Variants in ABHD18 observed in about 807,000 individuals in gnomAD.
ABHD18 encodes cardiolipin-specific deacylase, mitochondrial.
In ABHD18, 55 loss-of-function variants were observed where a neutral mutation model predicts 65.9. That is an observed-to-expected ratio of 0.84 (90% confidence interval 0.67 to 1.05). The LOEUF (loss-of-function observed/expected upper bound fraction) is 1.05. ABHD18 is among the 50% of genes least tolerant of loss of function. The probability of loss-of-function intolerance (pLI) is 0.00; values close to 1 mark genes in which losing one functional copy is unlikely to be tolerated. For synonymous variants in ABHD18, 181 were observed against 180.2 expected (o/e 1.00, Z -0.04); for missense variants, 533 against 558.5 (o/e 0.95, Z 0.46).
At chr4:128,017,866 T>G (rs1022836089) in intron 8 of ABHD18, among the ~76,000 whole-genome samples, 8 of 152,218 alleles carry the variant, frequency 5.3e-5, no homozygotes, top group African/African-American at 1.9e-4. Flanking sequence ...TATTTTACTT[T>G]TTGTCTGCCT....
rs1277228781 is a variant in ABHD18 at position 128,039,731 on chromosome 4, A to G, written c.*3918A>G. The G allele has an allele frequency of 6.6e-6, 1 of 152,154 alleles. No individual in the cohort carries two copies. Among genetic ancestry groups the G allele is most frequent in the East Asian group, 1.9e-4 (1 of 5,200 alleles). The allele number at this position is 152,154 out of a possible 1,614,324, so 9.4% of individuals were successfully genotyped here. On this transcript the variant is annotated 3_prime_UTR_variant, in exon 13 of 13. Coordinates refer to ENST00000645843, the MANE Select transcript of ABHD18 (RefSeq NM_001358451.3). ...AGCTAATCATTTGTGCTTTTTTTCA[A>G]GAGGTATTATTGTAAATACGGTAGA...
chr4:127,975,344 C>T (rs1747710993), intron 1 of ABHD18, among the ~76,000 whole-genome samples: 1 of 152,180 alleles, frequency 6.6e-6, no homozygotes, highest in African/African-American at 2.4e-5. Context: ...CATCCTTCTA[C>T]TTTCTGCTTC....
chr4:127,985,480 C>A (rs561909940), intron 3 of ABHD18, among the ~76,000 whole-genome samples: 64 of 152,132 alleles, frequency 4.2e-4, no homozygotes, highest in African/African-American at 1.5e-3. Context: ...CATAGAAGTT[C>A]TTTCTGTATC....
At chr4:127,969,389 C>T (rs559570962) in intron 1 of ABHD18, among the ~76,000 whole-genome samples, 22 of 151,576 alleles carry the variant, frequency 1.5e-4, no homozygotes, top group African/African-American at 5.3e-4. Flanking sequence ...TTAATAGAGA[C>T]GGGGTTTCTC....
intron 9 of ABHD18, among the ~76,000 whole-genome samples, 151 bp downstream of exon 9, chr4:128,020,320 C>T (rs180720684): frequency 2.0e-4 from 31 of 152,296 alleles, no homozygotes; most frequent in African/African-American, 7.2e-4. Context: ...GCCTTAACTA[C>T]AGCAAAAGAT....
intron 12 of ABHD18, among the ~76,000 whole-genome samples, chr4:128,032,596 G>A (rs1431474732): frequency 1.3e-5 from 2 of 152,140 alleles, no homozygotes; most frequent in Non-Finnish European, 1.5e-5. Context: ...TGAGGCAGGA[G>A]AACCGCTTGA....
intron 1 of ABHD18, among the ~76,000 whole-genome samples, chr4:127,971,046 G>A (rs946902952): frequency 6.6e-6 from 1 of 150,986 alleles, no homozygotes; most frequent in African/African-American, 2.4e-5. Context: ...CTGCATTCCA[G>A]CCTGGGTGAC....
Position 127,975,742 on chromosome 4 carries a change from AT to A in ABHD18, c.-17-7190del, listed in dbSNP as rs551058371. ...TTAGGTCTACTTTATGGCATATAGAATTTTTTTAAATCAATATTTGCATTAT... is the reference window on the plus strand; with the variant it reads ...TTAGGTCTACTTTATGGCATATAGAATTTTTTAAATCAATATTTGCATTAT... On this transcript the variant is annotated intron_variant, in intron 1 of 12. Transcript: ENST00000645843. Among the ~76,000 whole-genome samples, 387 of 152,302 alleles carry A rather than the reference AT, an allele frequency of 2.5e-3. 1 individual carries two copies. Among genetic ancestry groups the A allele is most frequent in the South Asian group, 0.017 (80 of 4,828 alleles).
chr4:127,981,377 CAT>C (rs1461448076), intron 1 of ABHD18, among the ~76,000 whole-genome samples: 1 of 151,928 alleles, frequency 6.6e-6, no homozygotes, highest in African/African-American at 2.4e-5. Context: ...TCATTTTCAT[CAT>C]AGTGTTATTC....
chr4:128,026,281 T>G (rs997321040), intron 10 of ABHD18, among the ~76,000 whole-genome samples: 1 of 150,452 alleles, frequency 6.6e-6, no homozygotes, highest in Non-Finnish European at 1.5e-5. Flanking sequence ...AGAGCGAGAC[T>G]TCTTCTGAAC....
intron 10 of ABHD18, among the ~76,000 whole-genome samples, chr4:128,026,582 A>AT (rs1757400482): frequency 6.6e-6 from 1 of 152,102 alleles, no homozygotes; most frequent in Non-Finnish European, 1.5e-5. Context: ...TAATAAATTA[A>AT]AGTGATTTGC....
chr4:128,020,173 A>C lies in ABHD18; in HGVS notation c.699+4A>C. 6.2e-7 allele frequency: 1 copy of C among 1,605,822 alleles called. No individual in the cohort carries two copies. The highest frequency in any genetic ancestry group is 8.5e-7 in the Non-Finnish European group (1 of 1,173,482). On this transcript the variant is annotated splice_donor_region_variant and intron_variant, in intron 9 of 12. Coordinates refer to ENST00000645843, the MANE Select transcript of ABHD18 (RefSeq NM_001358451.3). ...AGCATCTGGGGTCTTCACTACGGTAATTTAATTGTAATTAATATTAGGTAG... is the reference window on the plus strand; with the variant it reads ...AGCATCTGGGGTCTTCACTACGGTACTTTAATTGTAATTAATATTAGGTAG...
chr4:128,026,577 A>ATC (rs1757398967), intron 10 of ABHD18, among the ~76,000 whole-genome samples: 1 of 152,104 alleles, frequency 6.6e-6, no homozygotes, highest in Non-Finnish European at 1.5e-5. Flanking sequence ...GCTCTTAATA[A>ATC]ATTAAAGTGA....
intron 1 of ABHD18, among the ~76,000 whole-genome samples, chr4:127,975,250 CCA>C (rs1417640369): frequency 6.6e-6 from 1 of 152,130 alleles, no homozygotes; most frequent in Non-Finnish European, 1.5e-5. Context: ...CCATCCATCT[CCA>C]GTTTTCTTCT....
intron 10 of ABHD18, among the ~76,000 whole-genome samples, chr4:128,023,279 A>G (rs911585887): frequency 6.6e-6 from 1 of 151,854 alleles, no homozygotes; most frequent in Non-Finnish European, 1.5e-5. Flanking sequence ...AAATAGCTTT[A>G]TCGGGACCAG....
intron 1 of ABHD18, among the ~76,000 whole-genome samples, chr4:127,970,908 C>G (rs779946468): frequency 2.4e-4 from 37 of 151,996 alleles, no homozygotes; most frequent in Non-Finnish European, 4.4e-4. Context: ...AACACTGTCT[C>G]TACTAAAAAT....
In ABHD18 at chr4:128,019,195, A is replaced by C. The variant is rs540482089; in HGVS notation, c.610-885A>C. Among the ~76,000 whole-genome samples, 4 of 152,088 alleles carry C rather than the reference A, an allele frequency of 2.6e-5. No homozygotes were observed. In the South Asian group the frequency reaches 8.3e-4, roughly 32 times the overall value. On this transcript the variant is annotated intron_variant, in intron 8 of 12. Coordinates refer to ENST00000645843, the MANE Select transcript of ABHD18 (RefSeq NM_001358451.3). ...ACCTCAGTTCTCCCCTTCTCTATTC[A>C]ATCCTGTAAACTACTATCATGTTAC... is the stretch of plus-strand genomic sequence containing the variant.
chr4:128,030,812 A>G, intron 12 of ABHD18, 140 bp downstream of exon 12: 1 of 1,300,888 alleles, frequency 7.7e-7, no homozygotes, highest in Non-Finnish European at 9.9e-7. Flanking sequence ...CACAAATCTC[A>G]CAGAGTTACT....
chr4:127,969,563 AC>A (rs1746327651), intron 1 of ABHD18, among the ~76,000 whole-genome samples: 2 of 152,200 alleles, frequency 1.3e-5, no homozygotes, highest in African/African-American at 4.8e-5. Context: ...ATAGTACTTT[AC>A]AAAATATTTG....
Sources: allele counts gnomAD v4.1 joint callset (sites outside exome capture counted in the v4.1 genomes callset), GRCh38; gene constraint gnomAD v4.1.1; transcripts MANE v1.5; gene names NCBI Gene and HGNC (gene_info 2026-07-23, HGNC 2026-07-21).